The following ABHD17C variants were observed in gnomAD, a reference collection of about 807,000 sequenced individuals.
The protein encoded by ABHD17C is abhydrolase domain containing 17C, depalmitoylase, also known as alpha/beta hydrolase domain-containing protein 17C.
In ABHD17C, 11 loss-of-function variants were observed where a neutral mutation model predicts 27.9. That is an observed-to-expected ratio of 0.39 (90% confidence interval 0.25 to 0.65). The LOEUF (loss-of-function observed/expected upper bound fraction) is 0.65. ABHD17C is among the 30% of genes least tolerant of loss of function. The probability of loss-of-function intolerance (pLI) is 0.45; values close to 1 mark genes in which losing one functional copy is unlikely to be tolerated. For synonymous variants in ABHD17C, 233 were observed against 209.1 expected (o/e 1.11, Z -0.98); for missense variants, 280 against 470.2 (o/e 0.60, Z 3.74).
intron 1 of ABHD17C, among the ~76,000 whole-genome samples, chr15:80,746,221 TTCTC>T (rs1210178960): frequency 1.3e-5 from 2 of 151,956 alleles, no homozygotes; most frequent in African/African-American, 2.4e-5. Context: ...TTTTTTCTCT[TTCTC>T]TGTCTTTCCC....
chr15:80,747,725 T>C (rs1278413548), intron 1 of ABHD17C, among the ~76,000 whole-genome samples: 1 of 152,216 alleles, frequency 6.6e-6, no homozygotes, highest in Non-Finnish European at 1.5e-5. Flanking sequence ...GGCACAGTTT[T>C]ATTGGATGGT....
At chr15:80,731,735 G>C (rs900087383) in intron 1 of ABHD17C, among the ~76,000 whole-genome samples, 5 of 151,410 alleles carry the variant, frequency 3.3e-5, no homozygotes. Context: ...ACTGTTTACT[G>C]TTTTTACTTT....
intron 1 of ABHD17C, among the ~76,000 whole-genome samples, chr15:80,707,225 A>G (rs762976429): frequency 6.6e-5 from 10 of 152,182 alleles, no homozygotes; most frequent in Admixed American, 1.3e-4. Flanking sequence ...GGGAAATGGG[A>G]AAGTGTGGAT....
At chr15:80,696,189 C>A (rs1189754020) in intron 1 of ABHD17C, among the ~76,000 whole-genome samples, 170 bp downstream of exon 1, 1 of 152,250 alleles carries the variant, frequency 6.6e-6, no homozygotes. Context: ...CCCACCCTGG[C>A]TTGCTCCCAC....
chr15:80,701,586 T>G (rs904769894), intron 1 of ABHD17C, among the ~76,000 whole-genome samples: 8 of 150,156 alleles, frequency 5.3e-5, no homozygotes, highest in Non-Finnish European at 8.8e-5. Flanking sequence ...GGCCGAGGCA[T>G]GAGAATGGCT....
At chr15:80,698,164 A>C (rs1177635490) in intron 1 of ABHD17C, among the ~76,000 whole-genome samples, 1 of 145,964 alleles carries the variant, frequency 6.9e-6, no homozygotes, top group Non-Finnish European at 1.5e-5. Context: ...TCCCGGGTTC[A>C]CGCCATTCTC....
intron 1 of ABHD17C, among the ~76,000 whole-genome samples, chr15:80,709,553 G>T (rs1004582443): frequency 2.0e-5 from 3 of 151,912 alleles, no homozygotes; most frequent in Admixed American, 2.0e-4. Flanking sequence ...TGGCCTCCAG[G>T]ATATAGTTGC....
chr15:80,718,563 A>G (rs1484376748), intron 1 of ABHD17C, among the ~76,000 whole-genome samples: 5 of 152,064 alleles, frequency 3.3e-5, no homozygotes, highest in African/African-American at 1.2e-4. Flanking sequence ...TGAACTTCTG[A>G]TCTCAAGTGA....
At chr15:80,750,791 G>A (rs1335090738) in intron 2 of ABHD17C, among the ~76,000 whole-genome samples, 2 of 152,050 alleles carry the variant, frequency 1.3e-5, no homozygotes, top group African/African-American at 4.8e-5. Context: ...TGCTGAATTG[G>A]TAATGAGAGG....
At chr15:80,698,169 A>T (rs548417222) in intron 1 of ABHD17C, among the ~76,000 whole-genome samples, 1 of 141,820 alleles carries the variant, frequency 7.1e-6, no homozygotes, top group Non-Finnish European at 1.5e-5. Context: ...GGTTCACGCC[A>T]TTCTCCTACC....
chr15:80,714,036 C>A (rs542834004), intron 1 of ABHD17C, among the ~76,000 whole-genome samples: 2 of 152,240 alleles, frequency 1.3e-5, no homozygotes, highest in South Asian at 4.1e-4. Context: ...TCATCACACC[C>A]CTGACCTCCT....
At chr15:80,713,740 C>T (rs1894762437) in intron 1 of ABHD17C, among the ~76,000 whole-genome samples, 1 of 151,778 alleles carries the variant, frequency 6.6e-6, no homozygotes, top group African/African-American at 2.4e-5. Context: ...ACCTGGGAGG[C>T]GGAGGTTGCA....
intron 1 of ABHD17C, among the ~76,000 whole-genome samples, chr15:80,733,863 A>G (rs1329076081): frequency 3.3e-5 from 5 of 152,296 alleles, no homozygotes; most frequent in Non-Finnish European, 2.9e-5. Flanking sequence ...ATTAAATTCA[A>G]TATTTAAAGT....
intron 1 of ABHD17C, among the ~76,000 whole-genome samples, chr15:80,722,061 A>G (rs543544037): frequency 5.3e-5 from 8 of 152,104 alleles, no homozygotes; most frequent in African/African-American, 1.4e-4. Context: ...GGTGGTTTCC[A>G]TCTTCCCTGC....
At chr15:80,738,621 A>G (rs918379253) in intron 1 of ABHD17C, among the ~76,000 whole-genome samples, 6 of 152,186 alleles carry the variant, frequency 3.9e-5, no homozygotes, top group Non-Finnish European at 5.9e-5. Flanking sequence ...GTGAGAGACA[A>G]AGGGGAGAGA....
intron 1 of ABHD17C, among the ~76,000 whole-genome samples, chr15:80,723,166 G>GTGTGTGTGTA (rs1270601208): frequency 3.3e-5 from 5 of 151,576 alleles, no homozygotes; most frequent in Non-Finnish European, 7.4e-5. Context: ...GTGTGTGTGT[G>GTGTGTGTGTA]TATCACATTT....
At chr15:80,696,725 G>T (rs541919829) in intron 1 of ABHD17C, among the ~76,000 whole-genome samples, 17 of 152,316 alleles carry the variant, frequency 1.1e-4, no homozygotes, top group Admixed American at 4.6e-4. Context: ...TTCACAGAAG[G>T]ACTGAAAAGT....
chr15:80,695,723 G>A lies in ABHD17C; in HGVS notation c.294G>A (p.Gln98=), dbSNP rs761223536. The change falls in exon 1 of 3, where the codon CAG becomes CAA. Residue 98 remains glutamine (Q), a synonymous_variant. Transcript: ENST00000258884. This position sits in a 1 kb window ranked among gnomAD's most constrained non-coding sequence, Gnocchi z 4.3. ...SLHLSERADW[Q]YSQRELDAVE... ...ACCTCAGCGAGCGCGCCGACTGGCA[G>A]TACTCGCAGCGCGAGCTGGACGCCG... The A allele has an allele frequency of 2.7e-5, 41 of 1,533,378 alleles. No individual in the cohort carries two copies. The Admixed American group carries it at 7.7e-4, about 29-fold the overall frequency. The allele number at this position is 1,533,378 out of a possible 1,614,324, so 95.0% of individuals were successfully genotyped here.
At chr15:80,702,060 A>G (rs1409059602) in intron 1 of ABHD17C, among the ~76,000 whole-genome samples, 1 of 152,168 alleles carries the variant, frequency 6.6e-6, no homozygotes, top group Non-Finnish European at 1.5e-5. Flanking sequence ...GCTTTTCTCC[A>G]GTAATCCAGT....
Sources: allele counts gnomAD v4.1 joint callset (sites outside exome capture counted in the v4.1 genomes callset), GRCh38; gene constraint gnomAD v4.1.1; non-coding constraint Gnocchi (gnomAD v3.1); transcripts MANE v1.5; gene names NCBI Gene and HGNC (gene_info 2026-07-23, HGNC 2026-07-21).